Variants in PSG5 observed in about 807,000 individuals in gnomAD.
PSG5 encodes pregnancy specific beta-1-glycoprotein 5, also known as pregnancy-specific beta-1-glycoprotein 5.
A neutral mutation model predicts 37.7 loss-of-function variants in PSG5; 53 were observed. The observed-to-expected ratio is 1.41, with a 90% confidence interval of 1.13 to 1.77. The LOEUF (loss-of-function observed/expected upper bound fraction) is 1.77. PSG5 is among the 40% of genes most tolerant of loss of function. PSG5 has a pLI of 0.00. For synonymous variants in PSG5, 221 were observed against 155.4 expected (o/e 1.42, Z -3.14); for missense variants, 547 against 405.2 (o/e 1.35, Z -3.00).
chr19:43,179,388 A>T (rs1969080526), intron 2 of PSG5, among the ~76,000 whole-genome samples: 2 of 151,638 alleles, frequency 1.3e-5, no homozygotes, highest in South Asian at 2.1e-4. Context: ...TGAATTGAGC[A>T]GCAGCATTGG....
chr19:43,176,924 G>A (rs1358935126), intron 2 of PSG5, among the ~76,000 whole-genome samples: 1 of 151,446 alleles, frequency 6.6e-6, no homozygotes. Flanking sequence ...GGGCAGGTGA[G>A]GACCATGTGG....
At chr19:43,170,250 TAC>T in intron 4 of PSG5, 112 bp from the exon 5 acceptor site, 1 of 1,014,648 alleles carries the variant, frequency 9.9e-7, no homozygotes, top group Non-Finnish European at 1.4e-6. Flanking sequence ...CTTCAAGTAC[TAC>T]ATTATTCCTC....
At chr19:43,175,689 T>G in intron 3 of PSG5, 181 bp downstream of exon 3, 1 of 1,411,040 alleles carries the variant, frequency 7.1e-7, no homozygotes, top group Non-Finnish European at 9.5e-7. Flanking sequence ...CCCCCTCCCC[T>G]TATATTCCTG....
rs756122320 is a variant in PSG5 at position 43,183,375 on chromosome 19, A to T, written c.430+1407T>A. The T allele has an allele frequency of 3.7e-5, 19 of 520,370 alleles. 1 individual carries two copies. Among genetic ancestry groups the T allele is most frequent in the South Asian group, 2.5e-4 (18 of 70,846 alleles). 32.2% of individuals were successfully genotyped at this position (520,370 alleles called of 1,614,324 possible). A position where few individuals can be genotyped will look rare whatever the true frequency, so the allele number is the denominator to read the frequency against. On this transcript the variant is annotated intron_variant, in intron 2 of 5. Transcript: ENST00000342951. Reference sequence around the variant, plus strand: ...TGCATCCAACATCCAGTCTCTAAAGAGGTTTTGGATCATTCATTTCTTCAT... The same window carrying T: ...TGCATCCAACATCCAGTCTCTAAAGTGGTTTTGGATCATTCATTTCTTCAT...
chr19:43,184,514 G>A (rs960490578), intron 2 of PSG5, among the ~76,000 whole-genome samples: 6 of 151,526 alleles, frequency 4.0e-5, no homozygotes, highest in Admixed American at 1.3e-4. Context: ...TGAGGTGCTT[G>A]GCTGAGACTG....
Position 43,182,705 on chromosome 19 carries a change from A to ATTTTTTTTTTTTTTTTTTTTTTTT in PSG5, c.430+2076_430+2077insAAAAAAAAAAAAAAAAAAAAAAAA, listed in dbSNP as rs534568803. On this transcript the variant is annotated intron_variant, in intron 2 of 5. Transcript: ENST00000342951. ...TTGACTAGAAACCAACATTTCAATA[A>ATTTTTTTTTTTTTTTTTTTTTTTT]TTTTTTTTTTTTTTTTTTGTGCAGG... Among the ~76,000 whole-genome samples the ATTTTTTTTTTTTTTTTTTTTTTTT allele has an allele frequency of 8.7e-4, 51 of 58,444 alleles. 1 individual carries two copies. Among genetic ancestry groups the ATTTTTTTTTTTTTTTTTTTTTTTT allele is most frequent in the Non-Finnish European group, 1.2e-3 (36 of 29,408 alleles). 38.3% of individuals were successfully genotyped at this position (58,444 alleles called of 152,430 possible).
chr19:43,178,869 G>A lies in PSG5; in HGVS notation c.431-2721C>T, dbSNP rs565351681. The A allele has an allele frequency of 1.1e-4, 185 of 1,612,898 alleles. 2 individuals carry two copies. In the East Asian group the frequency reaches 2.4e-3, roughly 21 times the overall value. ...GCAGCCTGGCTCACAGAGGAACAGA[G>A]GATACTCACGGAGGAGATTCAGGGT... On this transcript the variant is annotated intron_variant, in intron 2 of 5. Transcript: ENST00000342951.
chr19:43,182,331 C>T (rs2122235561), intron 2 of PSG5, among the ~76,000 whole-genome samples: 1 of 151,776 alleles, frequency 6.6e-6, no homozygotes, highest in South Asian at 2.1e-4. Context: ...AAATTTGTAA[C>T]TAATTGCTCC....
chr19:43,179,452 C>T (rs1969081783), intron 2 of PSG5, among the ~76,000 whole-genome samples: 1 of 151,802 alleles, frequency 6.6e-6, no homozygotes, highest in South Asian at 2.1e-4. Flanking sequence ...CTCTGAGTTC[C>T]TCCGACTAAA....
In PSG5 at chr19:43,180,196, C is replaced by T. The variant is rs950822649; in HGVS notation, c.431-4048G>A. Reference sequence around the variant, plus strand: ...AGAGTAGAATAGTAGTTTGCAGGAGCTGGGATCAGGGGAATAGGGTGTTGT... The same window carrying T: ...AGAGTAGAATAGTAGTTTGCAGGAGTTGGGATCAGGGGAATAGGGTGTTGT... On this transcript the variant is annotated intron_variant, in intron 2 of 5. Transcript: ENST00000342951. Among the ~76,000 whole-genome samples the T allele has an allele frequency of 1.3e-4, 19 of 151,350 alleles. 2 individuals carry two copies. Among genetic ancestry groups the T allele is most frequent in the Admixed American group, 4.6e-4 (7 of 15,162 alleles).
chr19:43,169,080 A>T (rs1460983005), intron 5 of PSG5, among the ~76,000 whole-genome samples: 2 of 151,684 alleles, frequency 1.3e-5, no homozygotes, highest in African/African-American at 2.4e-5. Context: ...ATCCACTTTT[A>T]AAAATGCTTT....
At position 43,175,278 on chromosome 19, in the gene PSG5, A is replaced by G. The variant is rs139643929; in HGVS notation, c.901T>C (p.Cys301Arg). The G allele has an allele frequency of 1.3e-5, 21 of 1,612,802 alleles. No individual in the cohort carries two copies. The African/African-American group carries it at 1.9e-4, about 14-fold the overall frequency. ...ITTKHRGLYT[C>R]SVRNSATGKE... ...CCAGTAGCTGAGTTACGAACAGAGC[A>G]AGTATAGAGCCCTCTATGCTTTGTA... The change falls in exon 4 of 6, where the codon TGC becomes CGC. Residue 301 changes from cysteine to arginine, a missense_variant. Cys to Arg is a radical substitution (Grantham distance 180, BLOSUM62 -3). Transcript: ENST00000342951.
rs745777933 is a variant in PSG5, at chr19:43,175,254, C to A, written c.925G>T (p.Gly309Cys). ...GTCATGGATTTGGAGCTTTCCTTGC[C>A]AGTAGCTGAGTTACGAACAGAGCAA... Reference protein sequence around the residue: ...YTCSVRNSATGKESSKSMTVE... With the variant: ...YTCSVRNSATCKESSKSMTVE... The change falls in exon 4 of 6, where the codon GGC becomes TGC. Residue 309 changes from glycine (G) to cysteine (C), a missense_variant. By Grantham distance (159) the Gly-to-Cys change is radical (BLOSUM62 -3). Transcript: ENST00000342951. 2 of 1,612,708 alleles carry A rather than the reference C, an allele frequency of 1.2e-6. No individual in the cohort carries two copies. Among genetic ancestry groups the A allele is most frequent in the Admixed American group, 3.3e-5 (2 of 59,932 alleles).
intron 2 of PSG5, among the ~76,000 whole-genome samples, chr19:43,179,680 A>G (rs1423835092): frequency 6.6e-6 from 1 of 151,726 alleles, no homozygotes; most frequent in African/African-American, 2.4e-5. Context: ...TAAATAACAC[A>G]GGGGAGACCA....
chr19:43,182,705 A>AT (rs534568803), intron 2 of PSG5, among the ~76,000 whole-genome samples: 1,804 of 58,460 alleles, frequency 0.031, 294 homozygotes, highest in Middle Eastern at 0.14. Context: ...CATTTCAATA[A>AT]TTTTTTTTTT....
At chr19:43,181,945 T>C (rs567560330) in intron 2 of PSG5, among the ~76,000 whole-genome samples, 3 of 151,592 alleles carry the variant, frequency 2.0e-5, no homozygotes, top group South Asian at 4.2e-4. Flanking sequence ...TTGAAATGAG[T>C]CCATGGGCAT....
intron 2 of PSG5, among the ~76,000 whole-genome samples, chr19:43,184,214 CTT>C (rs1221797752): frequency 6.6e-6 from 1 of 151,748 alleles, no homozygotes; most frequent in Non-Finnish European, 1.5e-5. Context: ...AAAGCTCTGT[CTT>C]TGCCCAGATG....
intron 2 of PSG5, chr19:43,179,136 A>T (rs1458461669): frequency 2.5e-6 from 4 of 1,598,630 alleles, no homozygotes; most frequent in African/African-American, 1.3e-5. Flanking sequence ...GCTACTGGAG[A>T]TGGAGGGCTT....
intron 4 of PSG5, chr19:43,174,677 A>G (rs1380835853): frequency 1.0e-6 from 1 of 977,928 alleles, no homozygotes; most frequent in African/African-American, 1.7e-5. Context: ...TTCTCCACAC[A>G]TGCTGGTCCC....
Sources: gnomAD v4.1 joint callset for allele counts (sites outside exome capture counted in the v4.1 genomes callset) on GRCh38, gnomAD v4.1.1 for gene constraint, MANE v1.5 for transcripts, NCBI Gene and HGNC (gene_info 2026-07-23, HGNC 2026-07-21) for gene names.